The following CD46 variants were observed in gnomAD, a reference collection of about 807,000 sequenced individuals.
CD46 encodes the protein CD46 molecule.
CD46 carries 30 observed loss-of-function variants against 53.3 expected under a neutral mutation model. The ratio of observed to expected loss-of-function variants is 0.56; its 90% CI spans 0.42 to 0.76. The LOEUF is 0.76. CD46 is among the 30% of genes least tolerant of loss of function. The pLI, the probability that CD46 is intolerant of heterozygous loss-of-function variation, is 0.00. For missense variants in CD46, 409 were observed against 463.0 expected, an observed-to-expected ratio of 0.88 and a Z score of 1.07; for synonymous variants, 142 against 152.0, an observed-to-expected ratio of 0.93 and a Z score of 0.48.
chr1:207,762,531 A>C (rs1309582044), intron 5 of CD46: 1 of 152,222 alleles, frequency 6.6e-6, no homozygotes, highest in Non-Finnish European at 1.5e-5. Flanking sequence ...TGACAAAAAA[A>C]GACGCAAATT....
intron 6 of CD46, 175 bp downstream of exon 6, chr1:207,767,370 A>G: frequency 2.7e-6 from 2 of 737,714 alleles, no homozygotes; most frequent in Non-Finnish European, 4.6e-6. Context: ...CGAAATTCAC[A>G]TAAAATTCTG....
intron 11 of CD46, 144 bp from the exon 12 acceptor site, chr1:207,790,109 A>G: frequency 1.5e-6 from 1 of 659,900 alleles, no homozygotes; most frequent in Non-Finnish European, 2.8e-6. Flanking sequence ...TTCAGTGAGA[A>G]TGAGAAAGTC....
Position 207,752,153 on chromosome 1 carries a change from G to T in CD46, c.-60G>T. The T allele has an allele frequency of 1.3e-6, 2 of 1,502,276 alleles. No individual in the cohort carries two copies. The highest frequency in any genetic ancestry group is 1.8e-6 in the Non-Finnish European group (2 of 1,083,854). The allele number at this position is 1,502,276 out of a possible 1,614,324, so 93.1% of individuals were successfully genotyped here. A position where few individuals can be genotyped will look rare whatever the true frequency, so the allele number is the denominator to read the frequency against. ...GGACCCAGAAGGGACTTCCCTGCTC[G>T]GCTGGCTCTCGGTTTCTCTGCTTTC... is the stretch of plus-strand genomic sequence containing the variant. On this transcript the variant is annotated 5_prime_UTR_variant, in exon 1 of 13. Transcript: ENST00000367042. The surrounding 1 kb of genome is among the most constrained non-coding windows in gnomAD (Gnocchi z 4.1).
chr1:207,788,113 T>G (rs1659437810), intron 11 of CD46, among the ~76,000 whole-genome samples: 2 of 152,132 alleles, frequency 1.3e-5, no homozygotes, highest in Non-Finnish European at 2.9e-5. Flanking sequence ...TTTTCTAATA[T>G]TTAAGATAAT....
At chr1:207,761,088 G>A in intron 4 of CD46, 161 bp from the exon 5 acceptor site, 1 of 601,994 alleles carries the variant, frequency 1.7e-6, no homozygotes, top group African/African-American at 1.9e-5. Flanking sequence ...TTTGAATTTG[G>A]GATGATATAT....
At chr1:207,780,466 G>C (rs1241890551) in intron 8 of CD46, among the ~76,000 whole-genome samples, 1 of 151,980 alleles carries the variant, frequency 6.6e-6, no homozygotes, top group Non-Finnish European at 1.5e-5. Flanking sequence ...CACTTGGGTT[G>C]GTTTGTTTTT....
chr1:207,789,870 G>GAAAAAAAAAAAAAA (rs150136290), intron 11 of CD46, among the ~76,000 whole-genome samples: 1 of 43,348 alleles, frequency 2.3e-5, no homozygotes, highest in East Asian at 7.7e-4. Context: ...GCTGTGTCTT[G>GAAAAAAAAAAAAAA]AAAAAAAAAA....
Position 207,752,142 on chromosome 1 carries a change from C to A in CD46, c.-71C>A. The A allele has an allele frequency of 1.4e-6, 2 of 1,401,054 alleles. No homozygotes were observed. The highest frequency in any genetic ancestry group is 2.0e-6 in the Non-Finnish European group (2 of 993,216). 86.8% of individuals were successfully genotyped at this position (1,401,054 alleles called of 1,614,324 possible). ...GTCCCATATCTGGACCCAGAAGGGA[C>A]TTCCCTGCTCGGCTGGCTCTCGGTT... On this transcript the variant is annotated 5_prime_UTR_variant, in exon 1 of 13. Coordinates refer to ENST00000367042, the MANE Select transcript of CD46 (RefSeq NM_172351.3). The surrounding 1 kb of genome is among the most constrained non-coding windows in gnomAD (Gnocchi z 4.1).
intron 11 of CD46, 147 bp from the exon 12 acceptor site, chr1:207,790,106 A>G (rs1659662775): frequency 1.5e-6 from 1 of 652,884 alleles, no homozygotes; most frequent in African/African-American, 1.8e-5. Context: ...TCCTTCAGTG[A>G]GAATGAGAAA....
chr1:207,753,288 G>GT (rs1655130696), intron 1 of CD46, among the ~76,000 whole-genome samples: 1 of 152,194 alleles, frequency 6.6e-6, no homozygotes, highest in South Asian at 2.1e-4. Flanking sequence ...TGTTAATCTT[G>GT]TTTTCCCCTG....
intron 12 of CD46, among the ~76,000 whole-genome samples, chr1:207,792,217 A>C (rs1273795667): frequency 6.6e-6 from 1 of 152,034 alleles, no homozygotes; most frequent in East Asian, 1.9e-4. Context: ...AGGAGGTTGC[A>C]AGTGAGCCAA....
intron 6 of CD46, chr1:207,767,554 T>G (rs1433254826): frequency 4.4e-6 from 6 of 1,351,702 alleles, no homozygotes; most frequent in East Asian, 2.3e-5. Context: ...ATAAATGAAA[T>G]GAGAGCAATA....
At position 207,790,252 on chromosome 1, in the gene CD46, G is replaced by T; in HGVS notation, c.1083-1G>T. On this transcript the variant is annotated splice_acceptor_variant, in intron 11 of 12. Transcript: ENST00000367042. LOFTEE classifies it high-confidence loss of function. ...CAGCCGTTTTCTCTTCCTCTGTTCAGCACATACCTAACTGATGAGACCCAC... is the reference window on the plus strand; with the variant it reads ...CAGCCGTTTTCTCTTCCTCTGTTCATCACATACCTAACTGATGAGACCCAC... 1 of 1,525,492 alleles carries T rather than the reference G, an allele frequency of 6.6e-7. No homozygotes were observed. The allele number at this position is 1,525,492 out of a possible 1,614,324, so 94.5% of individuals were successfully genotyped here. A position where few individuals can be genotyped will look rare whatever the true frequency, so the allele number is the denominator to read the frequency against.
chr1:207,758,226 T>G (rs1490934612), intron 3 of CD46, among the ~76,000 whole-genome samples: 1 of 152,186 alleles, frequency 6.6e-6, no homozygotes, highest in African/African-American at 2.4e-5. Flanking sequence ...TTAAGATAAA[T>G]GTGCATTTAT....
chr1:207,765,875 T>C (rs781507271), intron 5 of CD46, among the ~76,000 whole-genome samples: 1 of 152,200 alleles, frequency 6.6e-6, no homozygotes, highest in Non-Finnish European at 1.5e-5. Flanking sequence ...GCCTTATTCA[T>C]AATCACCCCA....
Position 207,785,680 on chromosome 1 carries a change from A to G in CD46, c.1080A>G (p.Lys360=). The change falls in exon 11 of 13, where the codon AAA becomes AAG. Residue 360 remains lysine (K), a splice_region_variant and synonymous_variant. Coordinates refer to ENST00000367042, the MANE Select transcript of CD46 (RefSeq NM_172351.3). The part of the protein sequence containing the change: ...PYRYLQRRKK[K]GTYLTDETHR... ...GATATCTTCAAAGGAGGAAGAAGAA[A>G]GGGTAAATTAAAGCATGTTTCTTTT... 5 of 1,599,368 alleles carry G rather than the reference A, an allele frequency of 3.1e-6. No individual in the cohort carries two copies. The highest frequency in any genetic ancestry group is 4.3e-6 in the Non-Finnish European group (5 of 1,166,784).
At chr1:207,785,965 G>A in intron 11 of CD46, 1 of 354,128 alleles carries the variant, frequency 2.8e-6, no homozygotes, top group Non-Finnish European at 5.3e-6. Flanking sequence ...AGCAAATCAT[G>A]GACCACTCAC....
intron 8 of CD46, among the ~76,000 whole-genome samples, chr1:207,773,020 A>T (rs1325663372): frequency 6.6e-6 from 1 of 152,160 alleles, no homozygotes; most frequent in African/African-American, 2.4e-5. Context: ...CTGTGAATCC[A>T]TCTGGTCCTG....
At chr1:207,756,502 G>GC (rs1465325012) in intron 1 of CD46, among the ~76,000 whole-genome samples, 1 of 152,192 alleles carries the variant, frequency 6.6e-6, no homozygotes, top group African/African-American at 2.4e-5. Context: ...GTCAGTGTCA[G>GC]CATTTCTTGT....
Sources: allele counts gnomAD v4.1 joint callset (sites outside exome capture counted in the v4.1 genomes callset), GRCh38; gene constraint gnomAD v4.1.1; non-coding constraint Gnocchi (gnomAD v3.1); transcripts MANE v1.5; gene names NCBI Gene and HGNC (gene_info 2026-07-23, HGNC 2026-07-21).